The following LRRN2 variants were observed in gnomAD, a reference collection of about 807,000 sequenced individuals.
The protein encoded by LRRN2 is leucine rich repeat neuronal 2.
A neutral mutation model predicts 35.7 loss-of-function variants in LRRN2; 10 were observed. That is an observed-to-expected ratio of 0.28 (90% CI 0.17 to 0.47). LRRN2 has a LOEUF of 0.47. Ranked by LOEUF, LRRN2 falls within the 20% of genes least tolerant of loss-of-function variation. The probability of loss-of-function intolerance (pLI) is 0.99; values close to 1 mark genes in which losing one functional copy is unlikely to be tolerated. For synonymous variants in LRRN2, 391 were observed against 409.6 expected (o/e 0.95, Z 0.55); for missense variants, 731 against 940.3 (o/e 0.78, Z 2.91).
At chr1:204,646,161 G>A (rs1052965187) in intron 1 of LRRN2, among the ~76,000 whole-genome samples, 1 of 152,062 alleles carries the variant, frequency 6.6e-6, no homozygotes, top group Non-Finnish European at 1.5e-5. Context: ...GATGGGGAGG[G>A]GGGACTCCAG....
intron 1 of LRRN2, among the ~76,000 whole-genome samples, chr1:204,682,256 G>A (rs1312705173): frequency 2.0e-5 from 3 of 152,186 alleles, no homozygotes; most frequent in Admixed American, 1.3e-4. Context: ...CACAGGAAAA[G>A]TCATTGCCCT....
At chr1:204,623,160 C>G (rs1053104678) in intron 1 of LRRN2, among the ~76,000 whole-genome samples, 2 of 152,122 alleles carry the variant, frequency 1.3e-5, no homozygotes, top group African/African-American at 2.4e-5. Flanking sequence ...AGGGTGAGGG[C>G]TGGAGGAGGT....
chr1:204,682,343 C>T (rs773981014), intron 1 of LRRN2, among the ~76,000 whole-genome samples: 16 of 152,176 alleles, frequency 1.1e-4, no homozygotes, highest in African/African-American at 3.6e-4. Context: ...TTCACACAAC[C>T]GTTCAGCAAA....
At chr1:204,634,039 G>A (rs1667772850) in intron 1 of LRRN2, among the ~76,000 whole-genome samples, 1 of 152,180 alleles carries the variant, frequency 6.6e-6, no homozygotes, top group South Asian at 2.1e-4. Flanking sequence ...ATCAATAACA[G>A]GCATAATTCA....
Position 204,665,581 on chromosome 1 carries a change from C to T in LRRN2, c.-227+19739G>A, listed in dbSNP as rs1044716138. ...GGCCAAAACCATGGGTTCCCCTTGA[C>T]GCCACAGGGCACTCTCTGTGAAAGG... On this transcript the variant is annotated intron_variant, in intron 1 of 1. Transcript: ENST00000367177. 4.6e-5 allele frequency among the ~76,000 whole-genome samples: 7 copies of T among 152,212 alleles called. No homozygotes were observed. In the South Asian group the frequency reaches 6.2e-4, roughly 13 times the overall value.
intron 1 of LRRN2, among the ~76,000 whole-genome samples, chr1:204,653,968 C>T (rs944283908): frequency 1.4e-5 from 2 of 143,720 alleles, no homozygotes; most frequent in African/African-American, 2.6e-5. Context: ...TCTAGGAGTT[C>T]GAGGCTGCAG....
intron 1 of LRRN2, among the ~76,000 whole-genome samples, chr1:204,648,340 A>G (rs965578042): frequency 1.1e-4 from 16 of 152,292 alleles, no homozygotes; most frequent in African/African-American, 1.9e-4. Context: ...GTACATCTCA[A>G]TGCCAAATCC....
At chr1:204,656,950 G>A (rs896415514) in intron 1 of LRRN2, among the ~76,000 whole-genome samples, 1 of 152,100 alleles carries the variant, frequency 6.6e-6, no homozygotes, top group Admixed American at 6.5e-5. Context: ...CTTGTTCTCT[G>A]CATCTTCCTT....
chr1:204,640,551 G>A (rs746553416), intron 1 of LRRN2, among the ~76,000 whole-genome samples: 25 of 152,276 alleles, frequency 1.6e-4, no homozygotes, highest in Non-Finnish European at 3.1e-4. Context: ...AGCTCCTTCC[G>A]AGGAGACGGT....
intron 1 of LRRN2, among the ~76,000 whole-genome samples, chr1:204,635,592 C>T (rs753810166): frequency 2.6e-5 from 4 of 152,202 alleles, no homozygotes; most frequent in Non-Finnish European, 2.9e-5. Context: ...CTATCGATCA[C>T]GAGATGGCTG....
intron 1 of LRRN2, among the ~76,000 whole-genome samples, chr1:204,657,339 TATACAC>T (rs1668381966): frequency 8.1e-6 from 1 of 124,200 alleles, no homozygotes; most frequent in African/African-American, 3.0e-5. Context: ...TATATGTATA[TATACAC>T]ACACACACAC....
intron 1 of LRRN2, among the ~76,000 whole-genome samples, chr1:204,660,495 G>C (rs777117733): frequency 1.1e-4 from 17 of 151,552 alleles, no homozygotes; most frequent in Non-Finnish European, 1.6e-4. Flanking sequence ...TTATTGCCTT[G>C]CTTCTGAGGT....
intron 1 of LRRN2, among the ~76,000 whole-genome samples, chr1:204,666,038 C>T (rs1359851980): frequency 6.6e-6 from 1 of 152,184 alleles, no homozygotes; most frequent in Non-Finnish European, 1.5e-5. Flanking sequence ...GGAAGGGTTG[C>T]TTTGCATTTT....
In LRRN2 at chr1:204,636,560, C is replaced by A. The variant is rs370496318; in HGVS notation, c.-226-16342G>T. Among the ~76,000 whole-genome samples, 243 of 152,184 alleles carry A rather than the reference C, an allele frequency of 1.6e-3. 1 individual carries two copies. Among genetic ancestry groups the A allele is most frequent in the African/African-American group, 5.6e-3 (233 of 41,520 alleles). ...AGACCAGCCTGGGCAACATAGTGATCTGAAAAACTTAGGGGCATCCGCACA... is the reference window on the plus strand; with the variant it reads ...AGACCAGCCTGGGCAACATAGTGATATGAAAAACTTAGGGGCATCCGCACA... On this transcript the variant is annotated intron_variant, in intron 1 of 1. Coordinates refer to ENST00000367177, the MANE Select transcript of LRRN2 (RefSeq NM_201630.2).
chr1:204,640,834 T>A (rs1667959489), intron 1 of LRRN2, among the ~76,000 whole-genome samples: 1 of 152,030 alleles, frequency 6.6e-6, no homozygotes, highest in East Asian at 1.9e-4. Flanking sequence ...AGGACAGAGC[T>A]GGTTGCAGGG....
At chr1:204,645,917 G>A (rs536318078) in intron 1 of LRRN2, among the ~76,000 whole-genome samples, 1 of 152,186 alleles carries the variant, frequency 6.6e-6, no homozygotes, top group South Asian at 2.1e-4. Context: ...TGACATGTGG[G>A]GATTATAGGG....
intron 1 of LRRN2, among the ~76,000 whole-genome samples, chr1:204,680,339 T>C (rs1459707987): frequency 6.6e-6 from 1 of 152,232 alleles, no homozygotes; most frequent in Non-Finnish European, 1.5e-5. Context: ...AAACAGTTAT[T>C]GCCCCAGGAA....
At chr1:204,632,524 G>A (rs978310488) in intron 1 of LRRN2, among the ~76,000 whole-genome samples, 1 of 151,814 alleles carries the variant, frequency 6.6e-6, no homozygotes, top group African/African-American at 2.4e-5. Flanking sequence ...AGCTTCTCAG[G>A]AGGCTGAGGC....
intron 1 of LRRN2, among the ~76,000 whole-genome samples, chr1:204,667,102 G>A (rs971046182): frequency 6.6e-5 from 10 of 152,226 alleles, no homozygotes; most frequent in Middle Eastern, 6.8e-3. Context: ...ATGGGGTAGC[G>A]TGGCTATACA....
Sources: gnomAD v4.1 joint callset for allele counts (sites outside exome capture counted in the v4.1 genomes callset) on GRCh38, gnomAD v4.1.1 for gene constraint, MANE v1.5 for transcripts, NCBI Gene and HGNC (gene_info 2026-07-23, HGNC 2026-07-21) for gene names.